The following EYS variants were observed in gnomAD, a reference collection of about 807,000 sequenced individuals.
The protein encoded by EYS is protein eyes shut homolog.
Under a neutral mutation model 282.1 loss-of-function variants are expected in EYS, and 250 were observed. The ratio of observed to expected loss-of-function variants is 0.89; its 90% confidence interval spans 0.80 to 0.98. The LOEUF (loss-of-function observed/expected upper bound fraction) is 0.98, where lower values mean the gene tolerates loss of function less well. Ranked by LOEUF, EYS falls within the 50% of genes least tolerant of loss-of-function variation. The probability of loss-of-function intolerance (pLI) is 0.00; values close to 1 mark genes in which losing one functional copy is unlikely to be tolerated. For missense variants in EYS, 4,016 were observed against 3,709.0 expected (o/e 1.08, Z -2.15); for synonymous variants, 1,355 against 1,282.9 (o/e 1.06, Z -1.20).
rs78607016 is a variant in EYS at position 65,594,451 on chromosome 6, T to C, written c.-333+45327A>G. On this transcript the variant is annotated intron_variant, in intron 2 of 42. Coordinates refer to ENST00000503581, the MANE Select transcript of EYS (RefSeq NM_001142800.2). The stretch of plus-strand genomic sequence containing the variant: ...AATTGAATTAAATTGAATTTGTATA[T>C]CTATGATTCAAACTTAGTTACATTA... Among the ~76,000 whole-genome samples, 608 of 152,200 alleles carry C rather than the reference T, an allele frequency of 4.0e-3. 4 individuals are homozygous for C. Among genetic ancestry groups the C allele is most frequent in the African/African-American group, 0.014 (570 of 41,560 alleles).
chr6:63,949,117 A>G (rs998980184), intron 35 of EYS, among the ~76,000 whole-genome samples: 6 of 152,234 alleles, frequency 3.9e-5, no homozygotes, highest in Admixed American at 3.9e-4. Flanking sequence ...TTGACACAAA[A>G]TTAAAGACTC....
chr6:64,251,319 C>T (rs1767208378), intron 30 of EYS, among the ~76,000 whole-genome samples: 1 of 152,060 alleles, frequency 6.6e-6, no homozygotes, highest in Non-Finnish European at 1.5e-5. Context: ...CATCATATTT[C>T]AGAGAACTAC....
intron 1 of EYS, among the ~76,000 whole-genome samples, chr6:65,689,102 T>C (rs1296182359): frequency 6.7e-6 from 1 of 150,136 alleles, no homozygotes; most frequent in Non-Finnish European, 1.5e-5. Context: ...CTGTTCACAA[T>C]AGCAAAGACT....
At chr6:64,123,467 C>T (rs115241365) in intron 31 of EYS, among the ~76,000 whole-genome samples, 2,942 of 152,038 alleles carry the variant, frequency 0.019, 81 homozygotes, top group African/African-American at 0.066. Flanking sequence ...AAATGAACGC[C>T]GGAAAATAAA....
At chr6:65,449,025 C>A (rs1052083788) in intron 5 of EYS, among the ~76,000 whole-genome samples, 8 of 152,046 alleles carry the variant, frequency 5.3e-5, no homozygotes, top group Non-Finnish European at 1.2e-4. Flanking sequence ...GAAACTAACA[C>A]CCACATCCAT....
At chr6:64,051,344 T>C (rs1014689988) in intron 33 of EYS, among the ~76,000 whole-genome samples, 6 of 152,150 alleles carry the variant, frequency 3.9e-5, no homozygotes, top group African/African-American at 1.4e-4. Flanking sequence ...TTTATAGAGT[T>C]ATATGTGTCC....
At chr6:63,825,359 C>T (rs981322406) in intron 36 of EYS, among the ~76,000 whole-genome samples, 1 of 152,170 alleles carries the variant, frequency 6.6e-6, no homozygotes, top group African/African-American at 2.4e-5. Context: ...CTTGGGAGTT[C>T]TAGGGCCCCG....
chr6:65,419,415 TG>T (rs1187785653), intron 5 of EYS, among the ~76,000 whole-genome samples: 1 of 151,894 alleles, frequency 6.6e-6, no homozygotes, highest in Non-Finnish European at 1.5e-5. Context: ...AAATTTATAG[TG>T]GTTGAAAACA....
At chr6:64,065,619 T>C (rs1418469190) in intron 33 of EYS, among the ~76,000 whole-genome samples, 1 of 152,218 alleles carries the variant, frequency 6.6e-6, no homozygotes, top group African/African-American at 2.4e-5. Flanking sequence ...TGAGTTTTCT[T>C]TTTTTGTGCA....
At chr6:64,078,479 T>C (rs564031438) in intron 32 of EYS, among the ~76,000 whole-genome samples, 1 of 152,166 alleles carries the variant, frequency 6.6e-6, no homozygotes, top group African/African-American at 2.4e-5. Context: ...GTTGACAGAT[T>C]CTAAGAGGAT....
intron 29 of EYS, among the ~76,000 whole-genome samples, chr6:64,368,292 C>G (rs1397923086): frequency 1.3e-5 from 2 of 152,032 alleles, no homozygotes; most frequent in Admixed American, 1.3e-4. Context: ...TTTATGACTT[C>G]TTTCGTGGTG....
intron 5 of EYS, among the ~76,000 whole-genome samples, chr6:65,434,861 C>T (rs1357411585): frequency 2.0e-5 from 3 of 152,060 alleles, no homozygotes; most frequent in African/African-American, 7.2e-5. Context: ...CTGTTTGTCT[C>T]ATTTCAATTA....
intron 18 of EYS, among the ~76,000 whole-genome samples, chr6:64,896,883 C>A (rs1278242210): frequency 6.6e-6 from 1 of 152,086 alleles, no homozygotes; most frequent in East Asian, 1.9e-4. Flanking sequence ...CTCAAAGCTG[C>A]CGTAGACAGA....
intron 24 of EYS, among the ~76,000 whole-genome samples, chr6:64,611,862 C>CA (rs1767125407): frequency 6.6e-6 from 1 of 152,026 alleles, no homozygotes; most frequent in African/African-American, 2.4e-5. Context: ...GTCAAAACCA[C>CA]AAAAATATCT....
intron 12 of EYS, among the ~76,000 whole-genome samples, chr6:65,284,090 A>G (rs2150277676): frequency 6.6e-6 from 1 of 152,228 alleles, no homozygotes; most frequent in Middle Eastern, 3.4e-3. Flanking sequence ...CTCACCTGCC[A>G]AGAATTGAAA....
intron 12 of EYS, among the ~76,000 whole-genome samples, chr6:65,249,567 T>C (rs1461474838): frequency 6.6e-6 from 1 of 151,582 alleles, no homozygotes; most frequent in East Asian, 1.9e-4. Flanking sequence ...TTTGCTATGG[T>C]AAAAGTGGTT....
chr6:65,074,038 T>C (rs1430587350), intron 12 of EYS, among the ~76,000 whole-genome samples: 1 of 151,998 alleles, frequency 6.6e-6, no homozygotes, highest in Non-Finnish European at 1.5e-5. Context: ...CCCTAGGTGG[T>C]AGTTATAAGA....
intron 12 of EYS, among the ~76,000 whole-genome samples, chr6:65,103,527 C>T (rs1029640320): frequency 6.6e-6 from 1 of 151,372 alleles, no homozygotes; most frequent in Non-Finnish European, 1.5e-5. Context: ...TTTTGCCTAA[C>T]ATCCTGATGG....
At chr6:65,047,978 C>T (rs1295865778) in intron 13 of EYS, among the ~76,000 whole-genome samples, 1 of 151,848 alleles carries the variant, frequency 6.6e-6, no homozygotes, top group African/African-American at 2.4e-5. Flanking sequence ...AATGTATTTG[C>T]ATCTGTCTCT....
Sources: allele counts gnomAD v4.1 joint callset (sites outside exome capture counted in the v4.1 genomes callset), GRCh38; gene constraint gnomAD v4.1.1; transcripts MANE v1.5; gene names NCBI Gene and HGNC (gene_info 2026-07-23, HGNC 2026-07-21).